The following CYP3A4 variants were observed in gnomAD, a reference collection of about 807,000 sequenced individuals.
CYP3A4 encodes cytochrome P450 family 3 subfamily A member 4.
In CYP3A4, 41 loss-of-function variants were observed where a neutral mutation model predicts 54.9. The ratio of observed to expected loss-of-function variants is 0.75; its 90% CI spans 0.58 to 0.97. The LOEUF (loss-of-function observed/expected upper bound fraction) is 0.97. CYP3A4 is among the 50% of genes least tolerant of loss of function. CYP3A4 has a pLI of 0.00. For synonymous variants in CYP3A4, 179 were observed against 205.2 expected (o/e 0.87, Z 1.09); for missense variants, 510 against 597.3 (o/e 0.85, Z 1.52).
intron 6 of CYP3A4, 89 bp from the exon 7 acceptor site, chr7:99,768,591 C>G: frequency 1.2e-6 from 2 of 1,608,148 alleles, no homozygotes; most frequent in Non-Finnish European, 1.7e-6. Flanking sequence ...CATGTCCAGT[C>G]AAGACAGACA....
Position 99,761,063 on chromosome 7 carries a change from G to C in CYP3A4, c.1254-82C>G, listed in dbSNP as rs756296508. The C allele has an allele frequency of 2.2e-5, 32 of 1,485,174 alleles. No individual in the cohort carries two copies. In the East Asian group the frequency reaches 2.3e-4, roughly 11 times the overall value. 92.0% of individuals were successfully genotyped at this position (1,485,174 alleles called of 1,614,324 possible). A position where few individuals can be genotyped will look rare whatever the true frequency, so the allele number is the denominator to read the frequency against. ...ACATGTTAGGGTTTCTTACTTAGGGGCCACCCCTCAACTAGTAGTACACAG... is the reference window on the plus strand; with the variant it reads ...ACATGTTAGGGTTTCTTACTTAGGGCCCACCCCTCAACTAGTAGTACACAG... On this transcript the variant is annotated intron_variant, in intron 11 of 12. Coordinates refer to ENST00000651514, the MANE Select transcript of CYP3A4 (RefSeq NM_017460.6).
chr7:99,778,129 A>T (rs769473048), intron 2 of CYP3A4, 49 bp from the exon 3 acceptor site: 2 of 1,461,652 alleles, frequency 1.4e-6, no homozygotes, highest in South Asian at 2.4e-5. Context: ...TAATGTACTT[A>T]ACCCTGCCTC....
chr7:99,761,032 A>C (rs538621146), intron 11 of CYP3A4, 51 bp from the exon 12 acceptor site: 1 of 1,592,534 alleles, frequency 6.3e-7, no homozygotes, highest in South Asian at 1.1e-5. Context: ...AATACCCCTA[A>C]GAGTTACATG....
At chr7:99,781,609 A>C (rs1287676129) in intron 1 of CYP3A4, among the ~76,000 whole-genome samples, 1 of 152,168 alleles carries the variant, frequency 6.6e-6, no homozygotes, top group Admixed American at 6.5e-5. Flanking sequence ...AAGCTGATGG[A>C]AGAGGTCACC....
intron 4 of CYP3A4, among the ~76,000 whole-genome samples, chr7:99,770,445 G>A (rs937881271): frequency 3.3e-5 from 5 of 152,066 alleles, no homozygotes; most frequent in Non-Finnish European, 7.4e-5. Context: ...GGGGGGTGGC[G>A]GCAGTGTTCA....
In CYP3A4 at chr7:99,770,162, G is replaced by A. The variant is rs1815591535; in HGVS notation, c.392C>T (p.Ser131Leu). The A allele has an allele frequency of 3.3e-5, 53 of 1,613,666 alleles. No homozygotes were observed. The highest frequency in any genetic ancestry group is 4.5e-5 in the Non-Finnish European group (53 of 1,179,790). ...ACTGGTGAAGGTTGGAGACAGCAAT[G>A]ATCGTAATCTCTTCCATTCTTCATC... The part of the protein sequence containing the change: ...AEDEEWKRLR[S>L]LLSPTFTSGK... Residue 131 changes from serine (S) to leucine (L), a missense_variant, in exon 5 of 13, where the codon TCA becomes TTA. By Grantham distance (145) the Ser-to-Leu change is moderately radical. This residue lies in a region of CYP3A4 where 272 missense variants were observed against 274.9 expected (regional missense o/e 0.99). Coordinates refer to ENST00000651514, the MANE Select transcript of CYP3A4 (RefSeq NM_017460.6).
At chr7:99,767,946 T>C (rs531943382) in intron 7 of CYP3A4, among the ~76,000 whole-genome samples, 1 of 152,168 alleles carries the variant, frequency 6.6e-6, no homozygotes, top group South Asian at 2.1e-4. Flanking sequence ...TGCCACAACA[T>C]AGTAAACGAA....
chr7:99,764,710 CTT>C (rs891553680), intron 9 of CYP3A4, among the ~76,000 whole-genome samples: 7 of 152,162 alleles, frequency 4.6e-5, no homozygotes, highest in Non-Finnish European at 8.8e-5. Flanking sequence ...CGGATTATAT[CTT>C]TGAGAGGCAT....
At chr7:99,762,389 A>C in intron 10 of CYP3A4, 122 bp from the exon 11 acceptor site, 7 of 1,320,626 alleles carry the variant, frequency 5.3e-6, no homozygotes, top group Non-Finnish European at 7.3e-6. Flanking sequence ...AAAGGATCGA[A>C]GCATTTATAA....
At chr7:99,777,644 A>T (rs1397145128) in intron 3 of CYP3A4, among the ~76,000 whole-genome samples, 1 of 152,128 alleles carries the variant, frequency 6.6e-6, no homozygotes, top group Admixed American at 6.5e-5. Context: ...CCATCCCAAC[A>T]TTAAAAAAAA....
intron 12 of CYP3A4, among the ~76,000 whole-genome samples, chr7:99,759,052 C>T (rs1347780139): frequency 1.3e-5 from 2 of 152,158 alleles, no homozygotes; most frequent in Non-Finnish European, 2.9e-5. Flanking sequence ...GAGTACCTTC[C>T]CCATCCCAGG....
intron 12 of CYP3A4, among the ~76,000 whole-genome samples, chr7:99,759,841 A>T (rs1391121503): frequency 6.9e-6 from 1 of 144,232 alleles, no homozygotes; most frequent in Non-Finnish European, 1.5e-5. Context: ...AGGGAACAAC[A>T]TTTTTTTTTT....
chr7:99,770,263 C>A (rs767315897), intron 4 of CYP3A4, 28 bp from the exon 5 acceptor site: 4 of 1,576,628 alleles, frequency 2.5e-6, no homozygotes, highest in Admixed American at 1.7e-5. Context: ...AACATTTTGT[C>A]CTACATCAGT....
At chr7:99,765,190 A>G (rs551808118) in intron 9 of CYP3A4, among the ~76,000 whole-genome samples, 7 of 152,302 alleles carry the variant, frequency 4.6e-5, no homozygotes, top group South Asian at 2.1e-4. Context: ...CTGCTGTCCA[A>G]TATGGTAGCC....
intron 4 of CYP3A4, 129 bp downstream of exon 4, chr7:99,772,461 G>T: frequency 2.7e-6 from 3 of 1,092,192 alleles, no homozygotes; most frequent in Non-Finnish European, 4.0e-6. Flanking sequence ...TTACCATTCG[G>T]GGGGGACAGG....
At chr7:99,771,102 A>G (rs1406228637) in intron 4 of CYP3A4, among the ~76,000 whole-genome samples, 2 of 152,310 alleles carry the variant, frequency 1.3e-5, no homozygotes, top group East Asian at 3.9e-4. Context: ...TCAACATTAT[A>G]CTGGGAAGTC....
At position 99,762,078 on chromosome 7, in the gene CYP3A4, T is replaced by A. The variant is rs1815348404; in HGVS notation, c.1216A>T (p.Lys406Ter). ...IPSYALHRDP[K>*]YWTEPEKFLP... ...AACTTCTCAGGCTCTGTCCAGTACT[T>A]TGGGTCACGGTGAAGAGCATAGCTT... Residue 406 changes from lysine to a stop codon, truncating the protein, a stop_gained, in exon 11 of 13, where the codon AAG (lysine) becomes TAG (stop). Coordinates refer to ENST00000651514, the MANE Select transcript of CYP3A4 (RefSeq NM_017460.6). LOFTEE classifies it high-confidence loss of function. 6.2e-7 allele frequency: 1 copy of A among 1,613,976 alleles called. No homozygotes were observed. Among genetic ancestry groups the A allele is most frequent in the African/African-American group, 1.3e-5 (1 of 74,914 alleles).
At chr7:99,763,555 T>C (rs1230857684) in intron 10 of CYP3A4, among the ~76,000 whole-genome samples, 3 of 152,180 alleles carry the variant, frequency 2.0e-5, no homozygotes, top group African/African-American at 7.2e-5. Context: ...GAAATGAGTG[T>C]GAGCAACAAA....
rs370199610 is a variant in CYP3A4 at position 99,780,051 on chromosome 7, G to C, written c.106C>G (p.Leu36Val). ...GTHSHGLFKKLGIPGPTPLPF... is the reference protein window; with the variant it reads ...GTHSHGLFKKVGIPGPTPLPF... ...AGAGGTGTGGGCCCTGGAATTCCAA[G>C]CTTCTTAAAAAGTCCATGTGAATGG... The change falls in exon 2 of 13, where the codon CTT becomes GTT. Residue 36 changes from leucine (L) to valine (V), a missense_variant. Leu to Val is a conservative substitution (Grantham distance 32). Transcript: ENST00000651514. The C allele has an allele frequency of 6.2e-7, 1 of 1,613,632 alleles. No homozygotes were observed. Among genetic ancestry groups the C allele is most frequent in the Admixed American group, 1.7e-5 (1 of 59,990 alleles).
Sources: allele counts gnomAD v4.1 joint callset (sites outside exome capture counted in the v4.1 genomes callset), GRCh38; gene constraint gnomAD v4.1.1; regional missense constraint gnomAD v4.1.1; transcripts MANE v1.5; gene names NCBI Gene and HGNC (gene_info 2026-07-23, HGNC 2026-07-21).